Variants in CEP112 observed in about 807,000 individuals in gnomAD.
CEP112 encodes centrosomal protein 112, also known as centrosomal protein of 112 kDa.
Under a neutral mutation model 153.0 loss-of-function variants are expected in CEP112, and 127 were observed. That is an observed-to-expected ratio of 0.83 (90% confidence interval 0.72 to 0.96). The LOEUF is 0.96. CEP112 is among the 40% of genes least tolerant of loss of function. The pLI is 0.00. For missense variants in CEP112, 1,089 were observed against 1,101.2 expected, an observed-to-expected ratio of 0.99 and a Z score of 0.16; for synonymous variants, 358 against 374.4, an observed-to-expected ratio of 0.96 and a Z score of 0.51.
At chr17:65,696,020 G>A (rs2048335862) in intron 23 of CEP112, among the ~76,000 whole-genome samples, 1 of 152,196 alleles carries the variant, frequency 6.6e-6, no homozygotes, top group African/African-American at 2.4e-5. Context: ...AATCAAGACA[G>A]AATCATCAGC....
At chr17:66,048,508 T>C (rs2066308278) in intron 12 of CEP112, among the ~76,000 whole-genome samples, 1 of 152,226 alleles carries the variant, frequency 6.6e-6, no homozygotes, top group Non-Finnish European at 1.5e-5. Flanking sequence ...AAGGCCTCAA[T>C]GTTAAAGGCA....
intron 1 of CEP112, among the ~76,000 whole-genome samples, chr17:66,187,904 A>G (rs1475127415): frequency 6.6e-6 from 1 of 152,068 alleles, no homozygotes; most frequent in Non-Finnish European, 1.5e-5. Context: ...TGACATCATC[A>G]TCTACTTCAT....
intron 18 of CEP112, among the ~76,000 whole-genome samples, chr17:65,938,414 T>TAAA (rs1555722412): frequency 1.3e-4 from 7 of 52,878 alleles, no homozygotes; most frequent in Non-Finnish European, 1.6e-4. Flanking sequence ...GAATGATCAA[T>TAAA]AAAAAAAAAA....
intron 12 of CEP112, among the ~76,000 whole-genome samples, chr17:66,036,245 A>G (rs1049700657): frequency 6.6e-6 from 1 of 152,224 alleles, no homozygotes; most frequent in East Asian, 1.9e-4. Context: ...CAATGGGTAC[A>G]GAGTTTTAGT....
At chr17:65,700,363 G>T (rs945841394) in intron 23 of CEP112, among the ~76,000 whole-genome samples, 4 of 152,156 alleles carry the variant, frequency 2.6e-5, no homozygotes, top group Admixed American at 1.3e-4. Flanking sequence ...CTAAAAAGAA[G>T]TCTTACCAAG....
At chr17:65,826,112 G>C (rs181051275) in intron 21 of CEP112, 1 of 1,605,892 alleles carries the variant, frequency 6.2e-7, no homozygotes, top group East Asian at 2.2e-5. Flanking sequence ...CCTATGTCAG[G>C]AGGACAGAGG....
At chr17:65,871,913 T>C (rs1397716682) in intron 20 of CEP112, among the ~76,000 whole-genome samples, 1 of 152,228 alleles carries the variant, frequency 6.6e-6, no homozygotes, top group African/African-American at 2.4e-5. Context: ...GGATGACTTT[T>C]ACATCAACGA....
chr17:65,712,014 A>C (rs902679252), intron 23 of CEP112, among the ~76,000 whole-genome samples: 5 of 152,170 alleles, frequency 3.3e-5, no homozygotes, highest in African/African-American at 1.2e-4. Flanking sequence ...AGCCAGAGGC[A>C]CCTACTGCTC....
At chr17:65,977,774 TTAAAAA>T (rs1394705963) in intron 17 of CEP112, among the ~76,000 whole-genome samples, 11 of 152,014 alleles carry the variant, frequency 7.2e-5, no homozygotes, top group African/African-American at 2.7e-4. Context: ...GACCCTGTCT[TTAAAAA>T]TAAAAATAAA....
At chr17:65,971,392 T>TTGG (rs2062790302) in intron 17 of CEP112, among the ~76,000 whole-genome samples, 1 of 67,762 alleles carries the variant, frequency 1.5e-5, no homozygotes, top group African/African-American at 4.6e-5. Context: ...TGCATGTATA[T>TTGG]AGCATGTATA....
intron 20 of CEP112, among the ~76,000 whole-genome samples, chr17:65,869,882 G>A (rs1035043236): frequency 6.6e-6 from 1 of 151,946 alleles, no homozygotes; most frequent in Non-Finnish European, 1.5e-5. Context: ...ACCACGCCAG[G>A]CCGATAAACT....
chr17:65,793,115 A>G (rs2145744510), intron 21 of CEP112, among the ~76,000 whole-genome samples: 1 of 152,326 alleles, frequency 6.6e-6, no homozygotes, highest in South Asian at 2.1e-4. Flanking sequence ...AGAGGGATGC[A>G]TGAAATATGA....
chr17:65,881,742 G>C (rs1254176909), intron 20 of CEP112, among the ~76,000 whole-genome samples: 1 of 152,166 alleles, frequency 6.6e-6, no homozygotes, highest in Non-Finnish European at 1.5e-5. Flanking sequence ...ACTGAATTTA[G>C]TTTATGTACC....
rs2047970357 is a variant in CEP112 at position 65,689,176 on chromosome 17, A to G, written c.2650T>C (p.Cys884Arg). ...ELENRSNQVR[C>R]AEKKLQHKEL... is the part of the protein sequence containing the mutation. ...TTGTGTTGTAATTTTTTCTCTGCAC[A>G]TCGCACCTGATTAGAACGGTTTTCT... is the stretch of plus-strand genomic sequence containing the variant. The change falls in exon 24 of 27, where the codon TGT (cysteine) becomes CGT (arginine). Residue 884 changes from cysteine (C) to arginine (R), a missense_variant. Cys to Arg is a radical substitution (Grantham distance 180). Transcript: ENST00000535342. The G allele has an allele frequency of 6.2e-6, 10 of 1,613,816 alleles. No individual in the cohort carries two copies. The highest frequency in any genetic ancestry group is 8.5e-6 in the Non-Finnish European group (10 of 1,179,722).
At chr17:65,655,541 G>A (rs957923027) in intron 24 of CEP112, 2 of 540,318 alleles carry the variant, frequency 3.7e-6, no homozygotes, top group Non-Finnish European at 6.6e-6. Context: ...GAAAGTAATG[G>A]ATTTTCATTG....
intron 4 of CEP112, among the ~76,000 whole-genome samples, chr17:66,141,869 C>T (rs760128839): frequency 1.3e-5 from 2 of 152,020 alleles, no homozygotes; most frequent in Non-Finnish European, 2.9e-5. Context: ...TTTTTGAGAT[C>T]CTGATTTTTC....
intron 6 of CEP112, among the ~76,000 whole-genome samples, chr17:66,107,383 T>A (rs980209702): frequency 6.6e-6 from 1 of 152,082 alleles, no homozygotes; most frequent in African/African-American, 2.4e-5. Context: ...TAATCTTATA[T>A]CTTAAAAAAA....
chr17:65,806,368 A>G (rs1395326182), intron 21 of CEP112, among the ~76,000 whole-genome samples: 1 of 152,272 alleles, frequency 6.6e-6, no homozygotes, highest in Non-Finnish European at 1.5e-5. Context: ...GGAAAATACA[A>G]GATCCACTAT....
At chr17:66,060,757 A>T (rs1423961215) in intron 11 of CEP112, among the ~76,000 whole-genome samples, 4 of 152,188 alleles carry the variant, frequency 2.6e-5, no homozygotes, top group Non-Finnish European at 5.9e-5. Context: ...AAATCGACGC[A>T]AAATGAATTG....
Sources: gnomAD v4.1 joint callset for allele counts (sites outside exome capture counted in the v4.1 genomes callset) on GRCh38, gnomAD v4.1.1 for gene constraint, MANE v1.5 for transcripts, NCBI Gene and HGNC (gene_info 2026-07-23, HGNC 2026-07-21) for gene names.